Variants in SLC9A8 observed in about 807,000 individuals in gnomAD.
The protein encoded by SLC9A8 is solute carrier family 9 member A8.
Under a neutral mutation model 66.6 loss-of-function variants are expected in SLC9A8, and 48 were observed. That is an observed-to-expected ratio of 0.72 (90% CI 0.57 to 0.92). SLC9A8 has a LOEUF of 0.92. Among genes scored for constraint, SLC9A8 ranks in the 40% least tolerant of loss-of-function variants. The pLI, the probability that SLC9A8 is intolerant of heterozygous loss-of-function variation, is 0.00. For missense variants in SLC9A8, 599 were observed against 747.3 expected (o/e 0.80, Z 2.31); for synonymous variants, 274 against 282.6 (o/e 0.97, Z 0.31).
intron 2 of SLC9A8, among the ~76,000 whole-genome samples, chr20:49,816,922 A>T (rs2086570248): frequency 6.6e-6 from 1 of 151,688 alleles, no homozygotes; most frequent in South Asian, 2.1e-4. Flanking sequence ...TAGAGTTGGC[A>T]TTTCATTCTG....
At chr20:49,834,329 CTGTGT>C (rs1373240338) in intron 3 of SLC9A8, among the ~76,000 whole-genome samples, 8 of 97,568 alleles carry the variant, frequency 8.2e-5, no homozygotes, top group East Asian at 5.1e-4. Context: ...TATATATATA[CTGTGT>C]ATATATATAT....
At chr20:49,846,021 G>C (rs1425739202) in intron 5 of SLC9A8, among the ~76,000 whole-genome samples, 1 of 151,992 alleles carries the variant, frequency 6.6e-6, no homozygotes, top group African/African-American at 2.4e-5. Flanking sequence ...TTTTAGTAGA[G>C]ACGGACGGGG....
intron 15 of SLC9A8, 109 bp downstream of exon 15, chr20:49,887,007 A>C: frequency 1.3e-4 from 170 of 1,284,376 alleles, no homozygotes; most frequent in Non-Finnish European, 1.8e-4. Context: ...AGGAAAGCTC[A>C]CGTGGGCCCG....
At chr20:49,815,828 G>T (rs1444019152) in intron 2 of SLC9A8, among the ~76,000 whole-genome samples, 1 of 152,134 alleles carries the variant, frequency 6.6e-6, no homozygotes, top group African/African-American at 2.4e-5. Context: ...GGGGATGAAG[G>T]AGCAGGGGGT....
At chr20:49,820,765 T>C (rs1214144618) in intron 2 of SLC9A8, among the ~76,000 whole-genome samples, 2 of 152,004 alleles carry the variant, frequency 1.3e-5, no homozygotes, top group African/African-American at 4.8e-5. Context: ...AGGCTGGTCT[T>C]GAACTCCGAC....
chr20:49,884,274 G>GCGCAC (rs2089778298), intron 14 of SLC9A8: 2 of 114,998 alleles, frequency 1.7e-5, no homozygotes, highest in East Asian at 1.8e-4. Flanking sequence ...ACACACACAC[G>GCGCAC]ACACACACAC....
At chr20:49,880,847 C>A in intron 12 of SLC9A8, 77 bp from the exon 13 acceptor site, 1 of 928,232 alleles carries the variant, frequency 1.1e-6, no homozygotes, top group Non-Finnish European at 1.8e-6. Flanking sequence ...ACACAGTCTG[C>A]ATTAGCTTCA....
Position 49,834,367 on chromosome 20 carries a change from GTGTATATATATATATAC to G in SLC9A8, c.290-5170_290-5154del, listed in dbSNP as rs1568813284. On this transcript the variant is annotated intron_variant, in intron 3 of 15. Coordinates refer to ENST00000361573, the MANE Select transcript of SLC9A8 (RefSeq NM_015266.3). ...TATATACTGTATATATATATATACT[GTGTATATATATATATAC>G]TGTGTATATATATATACTGTGTATA... is the stretch of plus-strand genomic sequence containing the variant. Among the ~76,000 whole-genome samples the G allele has an allele frequency of 2.1e-4, 9 of 43,866 alleles. No individual in the cohort carries two copies. The East Asian group carries it at 3.1e-3, about 15-fold the overall frequency. 28.8% of individuals were successfully genotyped at this position (43,866 alleles called of 152,430 possible).
At chr20:49,823,527 G>A (rs2086815526) in intron 3 of SLC9A8, among the ~76,000 whole-genome samples, 1 of 152,124 alleles carries the variant, frequency 6.6e-6, no homozygotes, top group Admixed American at 6.5e-5. Context: ...TAGACAGAAG[G>A]GACTCTGACT....
intron 4 of SLC9A8, among the ~76,000 whole-genome samples, chr20:49,843,154 CTA>C (rs964293149): frequency 1.4e-4 from 22 of 151,894 alleles, no homozygotes; most frequent in African/African-American, 5.3e-4. Context: ...TTGGGGGACA[CTA>C]TATAACCCCA....
intron 5 of SLC9A8, among the ~76,000 whole-genome samples, chr20:49,846,332 CTG>C (rs1314440548): frequency 6.6e-6 from 1 of 151,818 alleles, no homozygotes; most frequent in East Asian, 1.9e-4. Context: ...TTTAAAAAAA[CTG>C]TGAAGATTGG....
At chr20:49,857,521 C>T (rs2088546955) in intron 8 of SLC9A8, among the ~76,000 whole-genome samples, 1 of 152,120 alleles carries the variant, frequency 6.6e-6, no homozygotes, top group Admixed American at 6.6e-5. Flanking sequence ...AGTTCAAGAC[C>T]AGCCTGGCCA....
rs1194532219 is a variant in SLC9A8 at position 49,839,587 on chromosome 20, G to A, written c.336G>A (p.Leu112=). Residue 112 remains leucine (L), a synonymous_variant, in exon 4 of 16, where the codon CTG becomes CTA. Coordinates refer to ENST00000361573, the MANE Select transcript of SLC9A8 (RefSeq NM_015266.3). ...AVIKIIEFKK[L]ANWKEEEMFR... Reference sequence around the variant, plus strand: ...TAAAAATTATAGAGTTTAAAAAACTGGCGAATTGGAAGGTAGGTTTGCCCT... The same window carrying A: ...TAAAAATTATAGAGTTTAAAAAACTAGCGAATTGGAAGGTAGGTTTGCCCT... The A allele has an allele frequency of 1.2e-6, 2 of 1,600,318 alleles. No individual in the cohort carries two copies. The highest frequency in any genetic ancestry group is 1.3e-5 in the African/African-American group (1 of 74,732).
At chr20:49,846,829 A>G (rs923366491) in intron 5 of SLC9A8, among the ~76,000 whole-genome samples, 13 of 152,172 alleles carry the variant, frequency 8.5e-5, no homozygotes, top group Non-Finnish European at 1.6e-4. Context: ...CATGAGAATC[A>G]TGAGAATAGC....
At chr20:49,849,525 A>G in intron 5 of SLC9A8, 54 bp from the exon 6 acceptor site, 1 of 1,411,852 alleles carries the variant, frequency 7.1e-7, no homozygotes, top group South Asian at 1.2e-5. Flanking sequence ...CCGTGCCTTC[A>G]CTGACAGGAA....
chr20:49,874,596 T>C (rs2089348237), intron 10 of SLC9A8, 109 bp from the exon 11 acceptor site: 1 of 736,886 alleles, frequency 1.4e-6, no homozygotes, highest in Non-Finnish European at 2.4e-6. Context: ...TTTATTTTCC[T>C]TTTTCTTAAA....
chr20:49,869,376 G>T lies in SLC9A8; in HGVS notation c.958+4532G>T, dbSNP rs541677333. 1.6e-3 allele frequency among the ~76,000 whole-genome samples: 246 copies of T among 151,706 alleles called. 1 individual carries two copies. Among genetic ancestry groups the T allele is most frequent in the Non-Finnish European group, 2.9e-3 (195 of 67,910 alleles). ...TGGGATTACAGGTGCCCACCACCAC[G>T]CCCGACTAATTTTTTTTTTGTATTT... On this transcript the variant is annotated intron_variant, in intron 10 of 15. Coordinates refer to ENST00000361573, the MANE Select transcript of SLC9A8 (RefSeq NM_015266.3).
At chr20:49,844,676 T>G (rs2087907949) in intron 4 of SLC9A8, among the ~76,000 whole-genome samples, 1 of 147,392 alleles carries the variant, frequency 6.8e-6, no homozygotes, top group Non-Finnish European at 1.5e-5. Context: ...AGCACGCACA[T>G]GTAGTCCCAG....
intron 9 of SLC9A8, among the ~76,000 whole-genome samples, chr20:49,863,472 T>C (rs2088832317): frequency 6.6e-6 from 1 of 152,210 alleles, no homozygotes; most frequent in Non-Finnish European, 1.5e-5. Flanking sequence ...CCCAGCACTT[T>C]GAGAGGCTAA....
Sources: allele counts gnomAD v4.1 joint callset (sites outside exome capture counted in the v4.1 genomes callset), GRCh38; gene constraint gnomAD v4.1.1; transcripts MANE v1.5; gene names NCBI Gene and HGNC (gene_info 2026-07-23, HGNC 2026-07-21).